The following HDAC9 variants were observed in gnomAD, a reference collection of about 807,000 sequenced individuals.
HDAC9 encodes the protein MEF-2 interacting transcription repressor (MITR) protein.
HDAC9 carries 41 observed loss-of-function variants against 139.4 expected under a neutral mutation model. That is an observed-to-expected ratio of 0.29 (90% CI 0.23 to 0.38). The LOEUF (loss-of-function observed/expected upper bound fraction) is 0.38, where lower values mean the gene tolerates loss of function less well. Among genes scored for constraint, HDAC9 ranks in the 10% least tolerant of loss-of-function variants. The probability of loss-of-function intolerance (pLI) is 1.00; values close to 1 mark genes in which losing one functional copy is unlikely to be tolerated. For missense variants in HDAC9, 1,147 were observed against 1,297.0 expected (o/e 0.88, Z 1.78); for synonymous variants, 517 against 476.2 (o/e 1.09, Z -1.12).
At position 18,732,870 on chromosome 7, in the gene HDAC9, C is replaced by CACACACGTGTGTATGTGTGCGTGTGTAT. The variant is rs1562893164; in HGVS notation, c.1909+5119_1909+5120insGTGTGTATGTGTGCGTGTGTATACACAC. Among the ~76,000 whole-genome samples the CACACACGTGTGTATGTGTGCGTGTGTAT allele has an allele frequency of 9.3e-4, 59 of 63,120 alleles. 5 individuals are homozygous for CACACACGTGTGTATGTGTGCGTGTGTAT. Among genetic ancestry groups the CACACACGTGTGTATGTGTGCGTGTGTAT allele is most frequent in the Non-Finnish European group, 2.7e-4 (9 of 32,872 alleles). The allele number at this position is 63,120 out of a possible 152,430, so 41.4% of individuals were successfully genotyped here. A position where few individuals can be genotyped will look rare whatever the true frequency, so the allele number is the denominator to read the frequency against. On this transcript the variant is annotated intron_variant, in intron 13 of 25. Transcript: ENST00000686413. ...ACGTGTGTATGTGTGCGTATGTGTA[C>CACACACGTGTGTATGTGTGCGTGTGTAT]ACACACACGTGTGCGTATGTGTACA...
intron 24 of HDAC9, among the ~76,000 whole-genome samples, chr7:18,969,970 A>G (rs1784142239): frequency 6.6e-6 from 1 of 152,220 alleles, no homozygotes; most frequent in African/African-American, 2.4e-5. Flanking sequence ...TTAAAAGTGA[A>G]GATATTCTGC....
At chr7:18,882,012 C>A (rs1799776220) in intron 22 of HDAC9, among the ~76,000 whole-genome samples, 1 of 152,050 alleles carries the variant, frequency 6.6e-6, no homozygotes, top group South Asian at 2.1e-4. Context: ...ATCCAGCTAC[C>A]ATCAGATTAA....
chr7:18,859,809 C>CATA, intron 21 of HDAC9, among the ~76,000 whole-genome samples: 1 of 83,362 alleles, frequency 1.2e-5, no homozygotes, highest in Middle Eastern at 5.6e-3. Context: ...GGCTAACGCT[C>CATA]TCATATATAT....
chr7:18,443,185 G>A (rs1562992617), intron 1 of HDAC9, among the ~76,000 whole-genome samples: 1 of 151,004 alleles, frequency 6.6e-6, no homozygotes, highest in East Asian at 1.9e-4. Context: ...ATTGACTTGA[G>A]TTTTTTTTTC....
chr7:18,630,396 C>T (rs537736614), intron 7 of HDAC9, among the ~76,000 whole-genome samples: 3 of 151,946 alleles, frequency 2.0e-5, no homozygotes, highest in African/African-American at 7.2e-5. Context: ...TAAAAAAATT[C>T]TTTATTTTCT....
chr7:18,234,570 A>G (rs987776451), intron 2 of HDAC9, among the ~76,000 whole-genome samples: 15 of 152,198 alleles, frequency 9.9e-5, no homozygotes, highest in African/African-American at 3.1e-4. Context: ...CGTTTTGCAG[A>G]TTAGGAATCC....
intron 6 of HDAC9, among the ~76,000 whole-genome samples, chr7:18,627,632 A>G (rs1014585690): frequency 1.3e-5 from 2 of 152,230 alleles, no homozygotes; most frequent in African/African-American, 4.8e-5. Context: ...TGTTGCCACT[A>G]CTGGAAGATC....
intron 22 of HDAC9, among the ~76,000 whole-genome samples, chr7:18,921,473 A>C (rs1286810053): frequency 2.6e-5 from 4 of 152,212 alleles, no homozygotes; most frequent in African/African-American, 4.8e-5. Context: ...ACACACATGA[A>C]AAAATGCTCA....
intron 21 of HDAC9, among the ~76,000 whole-genome samples, chr7:18,860,800 G>T (rs1184026266): frequency 6.6e-6 from 1 of 152,130 alleles, no homozygotes; most frequent in Admixed American, 6.6e-5. Flanking sequence ...ATAAGGAAGG[G>T]TGTATTTTAT....
chr7:18,654,263 A>ATT, intron 11 of HDAC9, among the ~76,000 whole-genome samples: 1 of 152,258 alleles, frequency 6.6e-6, no homozygotes, highest in East Asian at 1.9e-4. Flanking sequence ...CACAAGGGCC[A>ATT]TTTACCCACT....
intron 1 of HDAC9, among the ~76,000 whole-genome samples, chr7:18,130,632 A>G (rs901526361): frequency 6.6e-6 from 1 of 152,084 alleles, no homozygotes; most frequent in Non-Finnish European, 1.5e-5. Context: ...CTTCATCGCT[A>G]TTCTCTTTAG....
chr7:18,524,929 A>C (rs1482720426), intron 2 of HDAC9, among the ~76,000 whole-genome samples: 1 of 152,134 alleles, frequency 6.6e-6, no homozygotes, highest in East Asian at 1.9e-4. Context: ...ATATGGAAAA[A>C]TATGTATACG....
intron 2 of HDAC9, among the ~76,000 whole-genome samples, chr7:18,175,915 A>G (rs562832788): frequency 6.6e-6 from 1 of 151,844 alleles, no homozygotes; most frequent in Non-Finnish European, 1.5e-5. Flanking sequence ...TGTTCTCTTC[A>G]TACCAGTAAT....
intron 12 of HDAC9, among the ~76,000 whole-genome samples, chr7:18,670,379 G>A (rs866993909): frequency 1.3e-5 from 2 of 151,968 alleles, no homozygotes; most frequent in Non-Finnish European, 2.9e-5. Context: ...GCTTAAAAAC[G>A]TTTATATTCT....
chr7:18,152,299 A>G (rs962969638), intron 1 of HDAC9, among the ~76,000 whole-genome samples: 3 of 152,206 alleles, frequency 2.0e-5, no homozygotes, highest in Non-Finnish European at 4.4e-5. Context: ...ACCAGTGAGG[A>G]AACTGAAGGT....
At chr7:18,353,335 C>G (rs769961975) in intron 1 of HDAC9, among the ~76,000 whole-genome samples, 11 of 151,772 alleles carry the variant, frequency 7.2e-5, no homozygotes, top group Non-Finnish European at 1.3e-4. Context: ...TAAAGGTAGC[C>G]TAAGATCTCA....
chr7:18,307,096 CTTGT>C (rs762624819), intron 1 of HDAC9, among the ~76,000 whole-genome samples: 2 of 108,780 alleles, frequency 1.8e-5, no homozygotes, highest in South Asian at 7.3e-4. Flanking sequence ...GAGGGCAGTT[CTTGT>C]GTGTGTGTGT....
In HDAC9 at chr7:18,616,903, T is replaced by C. The variant is rs1838757419; in HGVS notation, c.665-12447T>C. Among the ~76,000 whole-genome samples, 3 of 152,168 alleles carry C rather than the reference T, an allele frequency of 2.0e-5. No individual in the cohort carries two copies. In the South Asian group the frequency reaches 6.2e-4, roughly 32 times the overall value. ...TTACACCTAAAGACTTAAAATTATATTGTGAGAGATAACAATTATTAGTAA... is the reference window on the plus strand; with the variant it reads ...TTACACCTAAAGACTTAAAATTATACTGTGAGAGATAACAATTATTAGTAA... On this transcript the variant is annotated intron_variant, in intron 6 of 25. Coordinates refer to ENST00000686413, the MANE Select transcript of HDAC9 (RefSeq NM_178425.4).
chr7:18,425,371 C>A (rs762160068), intron 1 of HDAC9, among the ~76,000 whole-genome samples: 1 of 152,150 alleles, frequency 6.6e-6, no homozygotes, highest in African/African-American at 2.4e-5. Flanking sequence ...TCAACAAGTA[C>A]TCATGTCACC....
Sources: gnomAD v4.1 joint callset for allele counts (sites outside exome capture counted in the v4.1 genomes callset) on GRCh38, gnomAD v4.1.1 for gene constraint, MANE v1.5 for transcripts, NCBI Gene and HGNC (gene_info 2026-07-23, HGNC 2026-07-21) for gene names.